PUM3: variants seen among roughly 807,000 people sequenced by gnomAD.
The protein encoded by PUM3 is pumilio homolog 3.
A neutral mutation model predicts 84.0 loss-of-function variants in PUM3; 91 were observed. That is an observed-to-expected ratio of 1.08 (90% confidence interval 0.91 to 1.29). The LOEUF (loss-of-function observed/expected upper bound fraction) is 1.29, where lower values mean the gene tolerates loss of function less well. Ranked by LOEUF, PUM3 falls within the 50% of genes most tolerant of loss-of-function variation. The pLI, the probability that PUM3 is intolerant of heterozygous loss-of-function variation, is 0.00. For synonymous variants in PUM3, 321 were observed against 266.7 expected, an observed-to-expected ratio of 1.20 and a Z score of -1.98; for missense variants, 1,067 against 767.5, an observed-to-expected ratio of 1.39 and a Z score of -4.61.
chr9:2,811,088 G>A (rs1054387767), intron 15 of PUM3, among the ~76,000 whole-genome samples: 3 of 152,080 alleles, frequency 2.0e-5, no homozygotes, highest in Non-Finnish European at 4.4e-5. Context: ...TTCCCCAATC[G>A]CAGGTGTCAG....
chr9:2,817,121 C>A lies in PUM3; in HGVS notation c.1269+2897G>T, dbSNP rs193284686. ...TAACATGTACCCAAGGAAATATACA[C>A]AAGAATGTTCAAGGATTTGGATTAG... On this transcript the variant is annotated intron_variant, in intron 13 of 17. Coordinates refer to ENST00000397885, the MANE Select transcript of PUM3 (RefSeq NM_014878.5). Among the ~76,000 whole-genome samples, 3 of 152,260 alleles carry A rather than the reference C, an allele frequency of 2.0e-5. No individual in the cohort carries two copies. In the East Asian group the frequency reaches 5.8e-4, roughly 29 times the overall value.
intron 1 of PUM3, among the ~76,000 whole-genome samples, chr9:2,840,309 G>A (rs1816235765): frequency 6.6e-6 from 1 of 152,086 alleles, no homozygotes; most frequent in African/African-American, 2.4e-5. Context: ...CAAAGTCAGA[G>A]GAAAATTAAG....
In PUM3 at chr9:2,838,516, C is replaced by T. The variant is rs755213348; in HGVS notation, c.-9G>A. The stretch of plus-strand genomic sequence containing the variant: ...TTCCCTTTAACTTCCATCGTAGCAA[C>T]TCTGGAAAACCAAAACCAAAACCAA... On this transcript the variant is annotated splice_region_variant and 5_prime_UTR_variant, in exon 2 of 18. Coordinates refer to ENST00000397885, the MANE Select transcript of PUM3 (RefSeq NM_014878.5). The T allele has an allele frequency of 6.2e-7, 1 of 1,609,596 alleles. No homozygotes were observed. Among genetic ancestry groups the T allele is most frequent in the South Asian group, 1.1e-5 (1 of 90,976 alleles).
At chr9:2,812,164 C>T in intron 14 of PUM3, 56 bp downstream of exon 14, 2 of 1,464,296 alleles carry the variant, frequency 1.4e-6, no homozygotes, top group East Asian at 2.3e-5. Flanking sequence ...TGGAAGAATG[C>T]ACTACTCAAC....
At chr9:2,821,070 G>A (rs964935275) in intron 12 of PUM3, among the ~76,000 whole-genome samples, 8 of 152,038 alleles carry the variant, frequency 5.3e-5, no homozygotes, top group East Asian at 1.9e-4. Flanking sequence ...AAACAATAAC[G>A]AAGTTGCTAA....
intron 16 of PUM3, 64 bp from the exon 17 acceptor site, chr9:2,807,968 T>C (rs1821295420): frequency 1.0e-6 from 1 of 983,938 alleles, no homozygotes; most frequent in East Asian, 2.5e-5. Flanking sequence ...TACCCCCTTC[T>C]CTACTGCCCT....
At chr9:2,805,985 A>AT (rs1217085863) in intron 17 of PUM3, among the ~76,000 whole-genome samples, 14 of 152,064 alleles carry the variant, frequency 9.2e-5, no homozygotes, top group Admixed American at 5.9e-4. Context: ...TACAAAAACA[A>AT]TTTTTTTGTA....
chr9:2,805,685 A>C (rs1821243191), intron 17 of PUM3, among the ~76,000 whole-genome samples: 1 of 152,202 alleles, frequency 6.6e-6, no homozygotes, highest in Non-Finnish European at 1.5e-5. Context: ...ACATAATAGT[A>C]AGTTATTGCT....
In PUM3 at chr9:2,807,413, C is replaced by T. The variant is rs574043303; in HGVS notation, c.1814+401G>A. ...GAGTCTGAGATCAGCCTGGCCAACA[C>T]AGGGAGACCCCCATCTCTACAAAAA... On this transcript the variant is annotated intron_variant, in intron 17 of 17. Transcript: ENST00000397885. 2.2e-4 allele frequency among the ~76,000 whole-genome samples: 34 copies of T among 151,696 alleles called. 1 individual carries two copies. The East Asian group carries it at 5.6e-3, about 25-fold the overall frequency.
intron 11 of PUM3, 57 bp downstream of exon 11, chr9:2,824,660 A>C: frequency 9.0e-7 from 1 of 1,110,220 alleles, no homozygotes. Context: ...TCAAGCCTGC[A>C]GATAAAGCAT....
At position 2,804,397 on chromosome 9, in the gene PUM3, A is replaced by T. The variant is rs140875163; in HGVS notation, c.1881T>A (p.Pro627=). ...KVKAALKSLI[P]TLEKTKSTSK... ...TGGTGCTTTTGGTTTTTTCCAATGT[A>T]GGAATCAAGCTTTTCAGTGCAGCTT... Residue 627 remains proline (P), a synonymous_variant, in exon 18 of 18, where the codon CCT becomes CCA. Transcript: ENST00000397885. The T allele has an allele frequency of 6.2e-7, 1 of 1,614,070 alleles. No homozygotes were observed. The highest frequency in any genetic ancestry group is 2.2e-5 in the East Asian group (1 of 44,868).
intron 13 of PUM3, among the ~76,000 whole-genome samples, chr9:2,819,059 G>C (rs1230172877): frequency 6.6e-6 from 1 of 152,148 alleles, no homozygotes; most frequent in Admixed American, 6.5e-5. Context: ...AAACAGAAAG[G>C]CTTGTGTAAT....
At chr9:2,834,693 CTCTA>C (rs1424116031) in intron 3 of PUM3, among the ~76,000 whole-genome samples, 1 of 152,176 alleles carries the variant, frequency 6.6e-6, no homozygotes, top group Admixed American at 6.5e-5. Context: ...CAGTTGAGCT[CTCTA>C]TCTGAGGCCA....
chr9:2,833,395 T>G lies in PUM3; in HGVS notation c.478A>C (p.Ser160Arg). ...CCTTGAATCAACTTCTGCAAATCAC[T>G]CATTAACTTTACTCTTTTTTCTTTG... ...CDKEKRVKLMSDLQKLIQGKI... is the reference protein window; with the variant it reads ...CDKEKRVKLMRDLQKLIQGKI... The change falls in exon 5 of 18, where the codon AGT becomes CGT. Residue 160 changes from serine (S) to arginine (R), a missense_variant. Transcript: ENST00000397885. 2.5e-6 allele frequency: 4 copies of G among 1,593,108 alleles called. No homozygotes were observed. The South Asian group carries it at 3.3e-5, about 13-fold the overall frequency.
rs1816150102 is a variant in PUM3, at chr9:2,837,261, C to A, written c.223G>T (p.Asp75Tyr). ...VKQFKNKQQGDKSPKNKFQPA... is the reference protein window; with the variant it reads ...VKQFKNKQQGYKSPKNKFQPA... ...TGGAATTTGTTCTTTGGTGATTTGT[C>A]CCCTTGCTGCTTATTCTTGAACTGC... The change falls in exon 3 of 18, where the codon GAC becomes TAC. Residue 75 changes from aspartate to tyrosine, a missense_variant. Asp to Tyr is a radical substitution (Grantham distance 160). Coordinates refer to ENST00000397885, the MANE Select transcript of PUM3 (RefSeq NM_014878.5). 3.7e-6 allele frequency: 6 copies of A among 1,614,028 alleles called. No homozygotes were observed. Among genetic ancestry groups the A allele is most frequent in the Non-Finnish European group, 5.1e-6 (6 of 1,179,958 alleles).
At position 2,837,230 on chromosome 9, in the gene PUM3, G is replaced by C; in HGVS notation, c.254C>G (p.Ala85Gly). ...DKSPKNKFQP[A>G]NKFNKKRKFQ... ...TTTTCTCTTCTTGTTGAATTTATTTGCCGGCTGGAATTTGTTCTTTGGTGA... is the reference window on the plus strand; with the variant it reads ...TTTTCTCTTCTTGTTGAATTTATTTCCCGGCTGGAATTTGTTCTTTGGTGA... Residue 85 changes from alanine to glycine, a missense_variant, in exon 3 of 18, where the codon GCA (alanine) becomes GGA (glycine). Physicochemically the swap from Ala to Gly is moderately conservative, Grantham distance 60. Coordinates refer to ENST00000397885, the MANE Select transcript of PUM3 (RefSeq NM_014878.5). 6.2e-7 allele frequency: 1 copy of C among 1,614,070 alleles called. No homozygotes were observed. The highest frequency in any genetic ancestry group is 8.5e-7 in the Non-Finnish European group (1 of 1,179,984).
Position 2,829,762 on chromosome 9 carries a change from T to C in PUM3, c.852+12A>G, listed in dbSNP as rs749866188. On this transcript the variant is annotated intron_variant, in intron 8 of 17. Transcript: ENST00000397885. The stretch of plus-strand genomic sequence containing the variant: ...AGTAAAAATACTAGAAAAAGACTTC[T>C]GGAGATGTCACCTTGTAAAGCTGAA... 2.5e-6 allele frequency: 4 copies of C among 1,601,626 alleles called. No individual in the cohort carries two copies. Among genetic ancestry groups the C allele is most frequent in the East Asian group, 2.2e-5 (1 of 44,570 alleles).
chr9:2,811,877 A>G (rs1821382839), intron 14 of PUM3, among the ~76,000 whole-genome samples: 1 of 151,954 alleles, frequency 6.6e-6, no homozygotes, highest in Non-Finnish European at 1.5e-5. Context: ...ACCAAATAAC[A>G]TACCCAGAAA....
chr9:2,840,613 A>G (rs1586730284), intron 1 of PUM3, among the ~76,000 whole-genome samples: 1 of 152,256 alleles, frequency 6.6e-6, no homozygotes, highest in South Asian at 2.1e-4. Flanking sequence ...ATAGTCTCAG[A>G]TATTTATTTC....
Sources: allele counts gnomAD v4.1 joint callset (sites outside exome capture counted in the v4.1 genomes callset), GRCh38; gene constraint gnomAD v4.1.1; transcripts MANE v1.5; gene names NCBI Gene and HGNC (gene_info 2026-07-23, HGNC 2026-07-21).